The following TP73 variants were observed in gnomAD, a reference collection of about 807,000 sequenced individuals.
TP73 encodes tumor protein p73, also known as p53-like transcription factor.
A neutral mutation model predicts 62.5 loss-of-function variants in TP73; 25 were observed. The ratio of observed to expected loss-of-function variants is 0.40; its 90% confidence interval spans 0.29 to 0.56. The LOEUF is 0.56. TP73 is among the 20% of genes least tolerant of loss of function. The pLI, the probability that TP73 is intolerant of heterozygous loss-of-function variation, is 0.46. For synonymous variants in TP73, 423 were observed against 377.5 expected, an observed-to-expected ratio of 1.12 and a Z score of -1.40; for missense variants, 754 against 913.3, an observed-to-expected ratio of 0.83 and a Z score of 2.25.
chr1:3,718,559 A>G (rs1291824807), intron 4 of TP73, among the ~76,000 whole-genome samples: 1 of 136,302 alleles, frequency 7.3e-6, no homozygotes, highest in Admixed American at 6.9e-5. Flanking sequence ...GCAGGGGCCT[A>G]GGGGAGGGGC....
At chr1:3,731,675 C>G (rs969909777) in intron 13 of TP73, 119 bp downstream of exon 13, 6 of 907,726 alleles carry the variant, frequency 6.6e-6, no homozygotes, top group Non-Finnish European at 1.0e-5. Flanking sequence ...CCCTTTCCCA[C>G]GGGCAAGCAG....
rs202211619 is a variant in TP73, at chr1:3,731,422, C to G, written c.1485-41C>G. On this transcript the variant is annotated intron_variant, in intron 12 of 13. Coordinates refer to ENST00000378295, the MANE Select transcript of TP73 (RefSeq NM_005427.4). ...ATGGGGGCTCGCGCAGCCCTGTGCT[C>G]GGAAGCTAATGCTGCTTCCTTTCTC... is the stretch of plus-strand genomic sequence containing the variant. 1.9e-6 allele frequency: 3 copies of G among 1,584,798 alleles called. No individual in the cohort carries two copies. In the South Asian group the frequency reaches 3.3e-5, roughly 18 times the overall value.
chr1:3,657,012 T>C (rs1644880150), intron 1 of TP73, among the ~76,000 whole-genome samples: 2 of 152,234 alleles, frequency 1.3e-5, no homozygotes, highest in Non-Finnish European at 2.9e-5. Context: ...TGGCGGTGAT[T>C]AGATCTGCTC....
At chr1:3,689,673 CAA>C (rs1181953273) in intron 3 of TP73, among the ~76,000 whole-genome samples, 3 of 152,090 alleles carry the variant, frequency 2.0e-5, no homozygotes, top group East Asian at 1.9e-4. Context: ...GAGATGGAGA[CAA>C]GAGAAAGCAG....
Position 3,733,049 on chromosome 1 carries a change from G to A in TP73, c.1881G>A (p.Lys627=), listed in dbSNP as rs902347070. 5.2e-6 allele frequency: 8 copies of A among 1,541,140 alleles called. No individual in the cohort carries two copies. Among genetic ancestry groups the A allele is most frequent in the Admixed American group, 3.9e-5 (2 of 51,446 alleles). Residue 627 remains lysine (K), a synonymous_variant, in exon 14 of 14, where the codon AAG becomes AAA. Transcript: ENST00000378295. ...PDCKARKQPI[K]EEFTEAEIH ...GCAAGGCCCGCAAGCAGCCCATCAA[G>A]GAGGAGTTCACGGAGGCCGAGATCC...
chr1:3,689,413 C>A (rs546597931), intron 3 of TP73, among the ~76,000 whole-genome samples: 1 of 152,222 alleles, frequency 6.6e-6, no homozygotes, highest in Admixed American at 6.5e-5. Flanking sequence ...CCTGCTGCCT[C>A]CCGGCCCTAG....
At chr1:3,731,167 C>A in intron 12 of TP73, 102 bp downstream of exon 12, 1 of 1,473,714 alleles carries the variant, frequency 6.8e-7, no homozygotes, top group Admixed American at 2.1e-5. Flanking sequence ...GTGTGCTCAC[C>A]ACTCGCAACC....
Position 3,729,413 on chromosome 1 carries a change from C to T in TP73, c.1161C>T (p.Asp387=), listed in dbSNP as rs775263936. ...LMELVPQPLV[D]SYRQQQQLLQ... ...AGTTGGTGCCGCAGCCACTGGTGGA[C>T]TCCTATCGGCAGCAGCAGCAGCTCC... The change falls in exon 10 of 14, where the codon GAC becomes GAT. Residue 387 remains aspartate, a synonymous_variant. Transcript: ENST00000378295. The T allele has an allele frequency of 3.7e-6, 6 of 1,612,996 alleles. No individual in the cohort carries two copies. In the Admixed American group the frequency reaches 6.7e-5, roughly 18 times the overall value.
At chr1:3,716,584 T>C (rs1640613762) in intron 4 of TP73, among the ~76,000 whole-genome samples, 2 of 152,164 alleles carry the variant, frequency 1.3e-5, no homozygotes, top group African/African-American at 2.4e-5. Context: ...CTCCCTGACA[T>C]CTGTCAGAGC....
intron 1 of TP73, among the ~76,000 whole-genome samples, chr1:3,664,231 C>T (rs780718391): frequency 2.0e-5 from 3 of 152,220 alleles, no homozygotes; most frequent in Non-Finnish European, 4.4e-5. Context: ...CCACCCAGCC[C>T]AGGGTGTGTC....
intron 3 of TP73, among the ~76,000 whole-genome samples, chr1:3,707,072 C>CACGCACCCAAGCCCAGGTGT (rs1553140870): frequency 6.6e-6 from 1 of 152,200 alleles, no homozygotes; most frequent in Non-Finnish European, 1.5e-5. Flanking sequence ...CAGGGGCACC[C>CACGCACCCAAGCCCAGGTGT]ACGCACCCAA....
chr1:3,709,830 C>T (rs927455669), intron 4 of TP73, among the ~76,000 whole-genome samples: 4 of 152,334 alleles, frequency 2.6e-5, no homozygotes, highest in Middle Eastern at 3.4e-3. Flanking sequence ...CTCCCTTCCT[C>T]CCATGGTCTG....
At chr1:3,673,238 T>C (rs140603263) in intron 1 of TP73, among the ~76,000 whole-genome samples, 124 of 152,168 alleles carry the variant, frequency 8.1e-4, no homozygotes, top group African/African-American at 2.7e-3. Context: ...GACCATGAAA[T>C]GGAGAGGCAC....
rs1167665565 is a variant in TP73, at chr1:3,662,660, G to A, written c.-34+10019G>A. On this transcript the variant is annotated intron_variant, in intron 1 of 13. Transcript: ENST00000378295. This position sits in a 1 kb window ranked among gnomAD's most constrained non-coding sequence, Gnocchi z 4.4. ...GAAATAATGGATATACCCAAGGCAT[G>A]TTTGGGGTGGCACATTCTGCCCCCT... 6.6e-6 allele frequency among the ~76,000 whole-genome samples: 1 copy of A among 152,256 alleles called. No individual in the cohort carries two copies. Among genetic ancestry groups the A allele is most frequent in the Non-Finnish European group, 1.5e-5 (1 of 68,048 alleles).
chr1:3,716,166 G>A (rs4648551), intron 4 of TP73, among the ~76,000 whole-genome samples: 48,954 of 152,134 alleles, frequency 0.32, 9,681 homozygotes, highest in Non-Finnish European at 0.43. Context: ...GCTGAGGATC[G>A]CTTGGCATCT....
At chr1:3,689,206 G>A (rs766614100) in intron 3 of TP73, among the ~76,000 whole-genome samples, 1 of 152,126 alleles carries the variant, frequency 6.6e-6, no homozygotes, top group Non-Finnish European at 1.5e-5. Context: ...CCTGCAAGGA[G>A]GCTGCTGCTT....
At position 3,733,215 on chromosome 1, in the gene TP73, C is replaced by A; in HGVS notation, c.*136C>A. On this transcript the variant is annotated 3_prime_UTR_variant, in exon 14 of 14. Coordinates refer to ENST00000378295, the MANE Select transcript of TP73 (RefSeq NM_005427.4). ...CGGGGAAAGGCAAGGTCCGGCCCATCCCCAGGCACCTCACAGGCCCCAGGA... is the reference window on the plus strand; with the variant it reads ...CGGGGAAAGGCAAGGTCCGGCCCATACCCAGGCACCTCACAGGCCCCAGGA... The A allele has an allele frequency of 9.4e-7, 1 of 1,065,052 alleles. No homozygotes were observed. Among genetic ancestry groups the A allele is most frequent in the Non-Finnish European group, 1.3e-6 (1 of 760,522 alleles). 66.0% of individuals were successfully genotyped at this position (1,065,052 alleles called of 1,614,324 possible). A position where few individuals can be genotyped will look rare whatever the true frequency, so the allele number is the denominator to read the frequency against.
chr1:3,671,062 C>A (rs1052579575), intron 1 of TP73, among the ~76,000 whole-genome samples: 3 of 152,226 alleles, frequency 2.0e-5, no homozygotes, highest in African/African-American at 7.2e-5. Flanking sequence ...TGACAGCCGT[C>A]CCTCGTGGGT....
intron 9 of TP73, among the ~76,000 whole-genome samples, chr1:3,728,663 TTC>T (rs1424718838): frequency 6.6e-6 from 1 of 152,214 alleles, no homozygotes; most frequent in African/African-American, 2.4e-5. Context: ...GATGTGAACT[TTC>T]TGTTTTTTGA....
Sources: allele counts gnomAD v4.1 joint callset (sites outside exome capture counted in the v4.1 genomes callset), GRCh38; gene constraint gnomAD v4.1.1; non-coding constraint Gnocchi (gnomAD v3.1); transcripts MANE v1.5; gene names NCBI Gene and HGNC (gene_info 2026-07-23, HGNC 2026-07-21).